The following SNTG2 variants were observed in gnomAD, a reference collection of about 807,000 sequenced individuals.
SNTG2 encodes syntrophin gamma 2, also known as gamma-2-syntrophin.
In SNTG2, 74 loss-of-function variants were observed where a neutral mutation model predicts 70.9. The ratio of observed to expected loss-of-function variants is 1.04; its 90% CI spans 0.86 to 1.27. SNTG2 has a LOEUF of 1.27. Ranked by LOEUF, SNTG2 falls within the 50% of genes most tolerant of loss-of-function variation. SNTG2 has a pLI of 0.00. For synonymous variants in SNTG2, 278 were observed against 273.8 expected, an observed-to-expected ratio of 1.02 and a Z score of -0.15; for missense variants, 717 against 690.7, an observed-to-expected ratio of 1.04 and a Z score of -0.43.
chr2:1,253,347 A>G (rs1043417818), intron 12 of SNTG2, among the ~76,000 whole-genome samples: 1 of 130,950 alleles, frequency 7.6e-6, no homozygotes, highest in Admixed American at 7.1e-5. Context: ...TTCAGGGGCC[A>G]TCCGTGTAAA....
intron 1 of SNTG2, among the ~76,000 whole-genome samples, chr2:1,031,129 T>A (rs921022916): frequency 6.6e-6 from 1 of 152,204 alleles, no homozygotes; most frequent in Non-Finnish European, 1.5e-5. Context: ...TGAAACAGTG[T>A]GAAATTTAAC....
chr2:1,361,348 A>AAG (rs1469056907), intron 16 of SNTG2, among the ~76,000 whole-genome samples: 1 of 151,948 alleles, frequency 6.6e-6, no homozygotes, highest in Non-Finnish European at 1.5e-5. Context: ...ACCCATTTAA[A>AAG]AAAAAAAACT....
intron 14 of SNTG2, among the ~76,000 whole-genome samples, chr2:1,286,133 A>G (rs1679755204): frequency 6.6e-6 from 1 of 152,206 alleles, no homozygotes; most frequent in Non-Finnish European, 1.5e-5. Context: ...TCCTGGTGGC[A>G]GGGTTCCTCC....
intron 2 of SNTG2, among the ~76,000 whole-genome samples, chr2:1,087,177 T>C (rs1410600908): frequency 6.6e-6 from 1 of 151,852 alleles, no homozygotes; most frequent in Non-Finnish European, 1.5e-5. Context: ...GCAGGAGGGG[T>C]AAATAAAAAG....
intron 13 of SNTG2, among the ~76,000 whole-genome samples, chr2:1,266,751 C>CTTTTTTTTTTTTTTTTTTT (rs59679083): frequency 1.7e-4 from 18 of 107,746 alleles, no homozygotes; most frequent in Non-Finnish European, 2.6e-4. Context: ...TCATCTTTAT[C>CTTTTTTTTTTTTTTTTTTT]TTTTTTTTTT....
At chr2:1,145,049 T>A (rs1669009819) in intron 6 of SNTG2, among the ~76,000 whole-genome samples, 1 of 152,166 alleles carries the variant, frequency 6.6e-6, no homozygotes. Context: ...CTTATCAAAA[T>A]TTGTGGGATG....
At chr2:1,182,157 C>T (rs558872483) in intron 8 of SNTG2, among the ~76,000 whole-genome samples, 1 of 152,212 alleles carries the variant, frequency 6.6e-6, no homozygotes, top group South Asian at 2.1e-4. Context: ...ACTCAGTGTT[C>T]TGGGTTCTTG....
At chr2:1,118,559 T>G (rs1416905536) in intron 4 of SNTG2, among the ~76,000 whole-genome samples, 1 of 151,776 alleles carries the variant, frequency 6.6e-6, no homozygotes, top group South Asian at 2.1e-4. Context: ...AAGAATCAGA[T>G]AGCATAAAAA....
At chr2:996,208 A>G (rs1375486068) in intron 1 of SNTG2, among the ~76,000 whole-genome samples, 1 of 152,214 alleles carries the variant, frequency 6.6e-6, no homozygotes, top group African/African-American at 2.4e-5. Flanking sequence ...GGGTTAAAAT[A>G]GATTAATTTA....
intron 16 of SNTG2, among the ~76,000 whole-genome samples, chr2:1,359,683 A>G (rs2148317154): frequency 6.6e-6 from 1 of 152,344 alleles, no homozygotes; most frequent in South Asian, 2.1e-4. Flanking sequence ...ATTATTTATC[A>G]GCACATATGA....
chr2:1,228,890 G>C (rs1325782135), intron 9 of SNTG2, among the ~76,000 whole-genome samples: 2 of 152,088 alleles, frequency 1.3e-5, no homozygotes, highest in African/African-American at 4.8e-5. Flanking sequence ...CTTCTGGTGG[G>C]TTCGTGGTCT....
At chr2:1,323,128 C>A (rs1681603349) in intron 16 of SNTG2, among the ~76,000 whole-genome samples, 2 of 152,200 alleles carry the variant, frequency 1.3e-5, no homozygotes, top group Non-Finnish European at 2.9e-5. Flanking sequence ...CAGGCATCTG[C>A]CTCCTTTCTT....
chr2:996,973 C>G (rs2147983819), intron 1 of SNTG2, among the ~76,000 whole-genome samples: 1 of 151,932 alleles, frequency 6.6e-6, no homozygotes, highest in East Asian at 1.9e-4. Flanking sequence ...ATACTAGTAC[C>G]CTATGTGTGT....
intron 16 of SNTG2, among the ~76,000 whole-genome samples, chr2:1,359,059 CT>C (rs1325926011): frequency 2.0e-5 from 3 of 151,822 alleles, no homozygotes; most frequent in Non-Finnish European, 2.9e-5. Flanking sequence ...CATTTTCAGA[CT>C]TTTTTTTGGA....
chr2:1,335,639 G>A (rs1010871364), intron 16 of SNTG2, among the ~76,000 whole-genome samples: 4 of 152,046 alleles, frequency 2.6e-5, no homozygotes, highest in Admixed American at 6.6e-5. Flanking sequence ...AGTGAATTCC[G>A]TTTTCCAAGT....
chr2:1,154,270 C>T (rs1330724642), intron 6 of SNTG2, among the ~76,000 whole-genome samples: 1 of 152,040 alleles, frequency 6.6e-6, no homozygotes, highest in African/African-American at 2.4e-5. Context: ...TCACATGCAG[C>T]TGAGGCGCTG....
chr2:1,130,781 T>C (rs1667966116), intron 4 of SNTG2, among the ~76,000 whole-genome samples: 1 of 152,186 alleles, frequency 6.6e-6, no homozygotes, highest in Non-Finnish European at 1.5e-5. Flanking sequence ...AGAAGCATTT[T>C]TCATGGCCCT....
chr2:1,118,391 T>C (rs4971462), intron 4 of SNTG2, among the ~76,000 whole-genome samples: 149,771 of 152,150 alleles, frequency 0.98, 73,745 homozygotes, highest in Non-Finnish European at 1. Context: ...CTGCAGCCTA[T>C]GCCACTTAGA....
intron 16 of SNTG2, among the ~76,000 whole-genome samples, chr2:1,320,522 G>A (rs1417504979): frequency 4.8e-5 from 6 of 125,866 alleles, no homozygotes; most frequent in South Asian, 5.1e-4. Context: ...GTGACAGAGC[G>A]AGACTCCTTC....
Sources: gnomAD v4.1 joint callset for allele counts (sites outside exome capture counted in the v4.1 genomes callset) on GRCh38, gnomAD v4.1.1 for gene constraint, MANE v1.5 for transcripts, NCBI Gene and HGNC (gene_info 2026-07-23, HGNC 2026-07-21) for gene names.